The following HOGA1 variants were observed in gnomAD, a reference collection of about 807,000 sequenced individuals.
HOGA1 encodes the protein 4-hydroxy-2-oxoglutarate aldolase, mitochondrial.
In HOGA1, 30 loss-of-function variants were observed where a neutral mutation model predicts 34.3. That is an observed-to-expected ratio of 0.87 (90% CI 0.65 to 1.19). The LOEUF (loss-of-function observed/expected upper bound fraction) is 1.19. Among genes scored for constraint, HOGA1 ranks in the 50% most tolerant of loss-of-function variants. The pLI, the probability that HOGA1 is intolerant of heterozygous loss-of-function variation, is 0.00. For missense variants in HOGA1, 417 were observed against 436.5 expected (o/e 0.96, Z 0.40); for synonymous variants, 161 against 174.0 (o/e 0.93, Z 0.59).
Position 97,611,651 on chromosome 10 carries a change from T to C in HOGA1, c.976T>C (p.Trp326Arg). The C allele has an allele frequency of 6.2e-7, 1 of 1,613,218 alleles. No individual in the cohort carries two copies. The highest frequency in any genetic ancestry group is 1.1e-5 in the South Asian group (1 of 91,044). ...GCGCATGGATTTCACCAGCAACGGC[T>C]GGCTCTGAGGGCAGGCAGGGTCCAT... ...ALRMDFTSNG[W>R]L is the part of the protein sequence containing the mutation. Residue 326 changes from tryptophan (W) to arginine (R), a missense_variant, in exon 7 of 7, where the codon TGG (tryptophan) becomes CGG (arginine). Coordinates refer to ENST00000370646, the MANE Select transcript of HOGA1 (RefSeq NM_138413.4).
intron 3 of HOGA1, 173 bp from the exon 4 acceptor site, chr10:97,599,507 C>T (rs1231297993): frequency 3.5e-6 from 3 of 867,902 alleles, no homozygotes; most frequent in Non-Finnish European, 5.7e-6. Flanking sequence ...GAAAGCACTC[C>T]ATAAATATGA....
intron 5 of HOGA1, 99 bp downstream of exon 5, chr10:97,600,262 C>A: frequency 9.7e-7 from 1 of 1,027,568 alleles, no homozygotes; most frequent in Non-Finnish European, 1.5e-6. Flanking sequence ...GCTGGGTCTG[C>A]AGATGGTAGT....
intron 6 of HOGA1, among the ~76,000 whole-genome samples, chr10:97,607,815 T>C (rs1002916635): frequency 1.3e-5 from 2 of 152,162 alleles, no homozygotes; most frequent in African/African-American, 4.8e-5. Context: ...GTGATTTTTT[T>C]CCCCCTAAGA....
At chr10:97,599,417 T>C (rs1220733453) in intron 3 of HOGA1, 2 of 720,408 alleles carry the variant, frequency 2.8e-6, no homozygotes, top group East Asian at 2.7e-5. Flanking sequence ...GGAGGAATGA[T>C]GTCATCTGTC....
chr10:97,599,968 A>G lies in HOGA1; in HGVS notation c.604-99A>G, dbSNP rs561572773. ...GGCTCTCTGGGACTTTCTTGAGGGC[A>G]TCTCTTTGAGCACTGGGCTTTCATT... On this transcript the variant is annotated intron_variant, in intron 4 of 6. Coordinates refer to ENST00000370646, the MANE Select transcript of HOGA1 (RefSeq NM_138413.4). The G allele has an allele frequency of 4.9e-5, 73 of 1,486,526 alleles. No individual in the cohort carries two copies. In the South Asian group the frequency reaches 7.9e-4, roughly 16 times the overall value. The allele number at this position is 1,486,526 out of a possible 1,614,324, so 92.1% of individuals were successfully genotyped here.
In HOGA1 at chr10:97,611,604, G is replaced by A. The variant is rs780002004; in HGVS notation, c.929G>A (p.Ser310Asn). Residue 310 changes from serine to asparagine, a missense_variant, in exon 7 of 7, where the codon AGC becomes AAC. Ser to Asn is a conservative substitution (Grantham distance 46, BLOSUM62 1). Transcript: ENST00000370646. ...GPCRAPLQEL[S>N]PAEEEALRMD... ...TGCCGCGCCCCCTTGCAGGAGCTGA[G>A]CCCCGCTGAGGAGGAGGCACTGCGC... is the stretch of plus-strand genomic sequence containing the variant. 6.2e-7 allele frequency: 1 copy of A among 1,614,186 alleles called. No individual in the cohort carries two copies. The highest frequency in any genetic ancestry group is 1.1e-5 in the South Asian group (1 of 91,082).
intron 6 of HOGA1, among the ~76,000 whole-genome samples, chr10:97,610,404 G>C (rs1198613962): frequency 6.6e-6 from 1 of 152,144 alleles, no homozygotes; most frequent in Non-Finnish European, 1.5e-5. Context: ...GGAGGTCTAG[G>C]CTACAGTGAG....
chr10:97,597,290 C>T (rs1274734359), intron 1 of HOGA1, among the ~76,000 whole-genome samples: 1 of 152,064 alleles, frequency 6.6e-6, no homozygotes, highest in African/African-American at 2.4e-5. Flanking sequence ...GTGATCCCCC[C>T]ATCTTAGCCT....
Position 97,584,707 on chromosome 10 carries a change from C to G in HOGA1, c.4C>G (p.Leu2Val), listed in dbSNP as rs375261073. The change falls in exon 1 of 7, where the codon CTG becomes GTG. Residue 2 changes from leucine to valine, a missense_variant. Leu to Val is a conservative substitution (Grantham distance 32). Transcript: ENST00000370646. The stretch of plus-strand genomic sequence containing the variant: ...GTGCTTCAGGCCTCCTGCAGAGATG[C>G]TGGGTCCCCAAGTCTGGTCTTCTGT... MLGPQVWSSVRQ... is the reference protein window; with the variant it reads MVGPQVWSSVRQ... The G allele has an allele frequency of 2.5e-6, 4 of 1,609,600 alleles. No individual in the cohort carries two copies. The African/African-American group carries it at 5.3e-5, about 21-fold the overall frequency.
Position 97,598,690 on chromosome 10 carries a change from A to G in HOGA1, c.212-85A>G, listed in dbSNP as rs1365394778. 5 of 1,521,068 alleles carry G rather than the reference A, an allele frequency of 3.3e-6. No individual in the cohort carries two copies. In the Admixed American group the frequency reaches 5.0e-5, roughly 15 times the overall value. The allele number at this position is 1,521,068 out of a possible 1,614,324, so 94.2% of individuals were successfully genotyped here. Reference sequence around the variant, plus strand: ...AAGATGGGAAGGAAATGTGTGAAAGATTATGGTGTCGTAAGGTAGGAACAC... The same window carrying G: ...AAGATGGGAAGGAAATGTGTGAAAGGTTATGGTGTCGTAAGGTAGGAACAC... On this transcript the variant is annotated intron_variant, in intron 1 of 6. Transcript: ENST00000370646.
rs1162498530 is a variant in HOGA1 at position 97,603,744 on chromosome 10, G to T, written c.834+1754G>T. Among the ~76,000 whole-genome samples, 1 of 151,538 alleles carries T rather than the reference G, an allele frequency of 6.6e-6. No homozygotes were observed. Among genetic ancestry groups the T allele is most frequent in the East Asian group, 2.0e-4 (1 of 5,108 alleles). ...CACCCGGCTAATTTTTGTGCTTTTA[G>T]TGAAGACGGGTTTCACCATGTTGGC... On this transcript the variant is annotated intron_variant, in intron 6 of 6. Coordinates refer to ENST00000370646, the MANE Select transcript of HOGA1 (RefSeq NM_138413.4). This position sits in a 1 kb window ranked among gnomAD's most constrained non-coding sequence, Gnocchi z 4.5.
chr10:97,594,866 T>C lies in HOGA1; in HGVS notation c.212-3909T>C, dbSNP rs180739405. On this transcript the variant is annotated intron_variant, in intron 1 of 6. Transcript: ENST00000370646. ...CACACATGGGGGTGGGGGTGGAGGA[T>C]TGAAGAGTTCTAGGGACCTTTGTAG... Among the ~76,000 whole-genome samples the C allele has an allele frequency of 5.9e-5, 9 of 152,184 alleles. No homozygotes were observed. The East Asian group carries it at 1.4e-3, about 23-fold the overall frequency.
rs954248865 is a variant in HOGA1, at chr10:97,584,863, T to A, written c.160T>A (p.Tyr54Asn). Residue 54 changes from tyrosine to asparagine, a missense_variant, in exon 1 of 7, where the codon TAT (tyrosine) becomes AAT (asparagine). Tyr to Asn is a moderately radical substitution (Grantham distance 143). Coordinates refer to ENST00000370646, the MANE Select transcript of HOGA1 (RefSeq NM_138413.4). ...TPFTATAEVD[Y>N]GKLEENLHKL... Reference sequence around the variant, plus strand: ...CTTCACTGCCACTGCAGAGGTGGACTATGGGAAACTGGAGGAGAATCTGCA... The same window carrying A: ...CTTCACTGCCACTGCAGAGGTGGACAATGGGAAACTGGAGGAGAATCTGCA... 1.2e-6 allele frequency: 2 copies of A among 1,614,010 alleles called. No homozygotes were observed. The highest frequency in any genetic ancestry group is 1.6e-4 in the Middle Eastern group (1 of 6,084).
chr10:97,586,946 C>T (rs1051711445), intron 1 of HOGA1, among the ~76,000 whole-genome samples: 4 of 152,200 alleles, frequency 2.6e-5, no homozygotes, highest in African/African-American at 4.8e-5. Flanking sequence ...GGGCAAGAAT[C>T]CTGCCACTTC....
chr10:97,584,718 A>G lies in HOGA1; in HGVS notation c.15A>G (p.Gln5=), dbSNP rs1310105742. The change falls in exon 1 of 7, where the codon CAA becomes CAG. Residue 5 remains glutamine (Q), a synonymous_variant. Transcript: ENST00000370646. MLGP[Q]VWSSVRQGLS... ...CTCCTGCAGAGATGCTGGGTCCCCA[A>G]GTCTGGTCTTCTGTGAGGCAGGGGC... is the stretch of plus-strand genomic sequence containing the variant. 6 of 1,610,978 alleles carry G rather than the reference A, an allele frequency of 3.7e-6. No homozygotes were observed. The South Asian group carries it at 4.4e-5, about 12-fold the overall frequency.
chr10:97,600,796 G>A (rs2041109770), intron 5 of HOGA1: 1 of 159,280 alleles, frequency 6.3e-6, no homozygotes, highest in Non-Finnish European at 1.4e-5. Context: ...AGCACTGCAG[G>A]GGAGAATGCT....
At chr10:97,597,735 C>T (rs2041082239) in intron 1 of HOGA1, among the ~76,000 whole-genome samples, 1 of 152,070 alleles carries the variant, frequency 6.6e-6, no homozygotes, top group African/African-American at 2.4e-5. Flanking sequence ...GTGGGAGGAT[C>T]ACCTGGGCCC....
chr10:97,602,025 G>A (rs900564914), intron 6 of HOGA1, 35 bp downstream of exon 6: 2 of 1,589,756 alleles, frequency 1.3e-6, no homozygotes, highest in African/African-American at 1.3e-5. Context: ...GGCCTGGCGG[G>A]GGGTGGGCAG....
At position 97,601,844 on chromosome 10, in the gene HOGA1, T is replaced by G. The variant is rs1367528439; in HGVS notation, c.701-13T>G. The G allele has an allele frequency of 6.2e-7, 1 of 1,612,184 alleles. No homozygotes were observed. Among genetic ancestry groups the G allele is most frequent in the Admixed American group, 1.7e-5 (1 of 60,022 alleles). ...GAGGCTCTGGCTGATGTTCTGCGTC[T>G]TACTTCGTGCAGGAGCTGTGGGGGG... is the stretch of plus-strand genomic sequence containing the variant. On this transcript the variant is annotated splice_polypyrimidine_tract_variant and intron_variant, in intron 5 of 6. Transcript: ENST00000370646.
Sources: allele counts gnomAD v4.1 joint callset (sites outside exome capture counted in the v4.1 genomes callset), GRCh38; gene constraint gnomAD v4.1.1; non-coding constraint Gnocchi (gnomAD v3.1); transcripts MANE v1.5; gene names NCBI Gene and HGNC (gene_info 2026-07-23, HGNC 2026-07-21).